SLC9A4: variants seen among roughly 807,000 people sequenced by gnomAD.
SLC9A4 encodes the protein sodium/hydrogen exchanger 4.
A neutral mutation model predicts 67.4 loss-of-function variants in SLC9A4; 63 were observed. The ratio of observed to expected loss-of-function variants is 0.93; its 90% confidence interval spans 0.76 to 1.15. The LOEUF is 1.15. SLC9A4 is among the 50% of genes most tolerant of loss of function. The pLI, the probability that SLC9A4 is intolerant of heterozygous loss-of-function variation, is 0.00. For missense variants in SLC9A4, 1,089 were observed against 987.7 expected (o/e 1.10, Z -1.38); for synonymous variants, 393 against 367.2 (o/e 1.07, Z -0.80).
chr2:102,502,155 T>C (rs1684955018), intron 2 of SLC9A4, among the ~76,000 whole-genome samples: 1 of 152,204 alleles, frequency 6.6e-6, no homozygotes, highest in African/African-American at 2.4e-5. Context: ...CCAAAGGTCT[T>C]CATTTTCTGC....
chr2:102,497,053 C>G (rs984679019), intron 2 of SLC9A4, among the ~76,000 whole-genome samples: 2 of 152,226 alleles, frequency 1.3e-5, no homozygotes, highest in East Asian at 3.9e-4. Flanking sequence ...ATGTCTCAGC[C>G]TCCTGAGTAG....
At chr2:102,509,770 A>T (rs771638073) in intron 6 of SLC9A4, among the ~76,000 whole-genome samples, 11 of 152,244 alleles carry the variant, frequency 7.2e-5, no homozygotes, top group Non-Finnish European at 1.6e-4. Context: ...AACTCAGGAA[A>T]CAAGTTATCT....
At chr2:102,487,025 G>A (rs1376230692) in intron 2 of SLC9A4, among the ~76,000 whole-genome samples, 1 of 152,190 alleles carries the variant, frequency 6.6e-6, no homozygotes, top group Non-Finnish European at 1.5e-5. Flanking sequence ...CTCTCCCCTG[G>A]GGCTGCTTCT....
chr2:102,510,998 T>C (rs920344298), intron 6 of SLC9A4, among the ~76,000 whole-genome samples: 1 of 152,214 alleles, frequency 6.6e-6, no homozygotes, highest in Non-Finnish European at 1.5e-5. Flanking sequence ...CATTTCCTGA[T>C]TGGCACACCC....
At chr2:102,476,388 G>A (rs1414543121) in intron 1 of SLC9A4, among the ~76,000 whole-genome samples, 3 of 152,162 alleles carry the variant, frequency 2.0e-5, no homozygotes, top group South Asian at 2.1e-4. Flanking sequence ...TGACTCTATT[G>A]TCCATCATGA....
chr2:102,502,904 C>A (rs1054791996), intron 2 of SLC9A4, among the ~76,000 whole-genome samples: 1 of 152,216 alleles, frequency 6.6e-6, no homozygotes, highest in African/African-American at 2.4e-5. Flanking sequence ...AGGTTATCAC[C>A]AGGCCAAAGC....
In SLC9A4 at chr2:102,526,198, C is replaced by T. The variant is rs941432058; in HGVS notation, c.1951-61C>T. On this transcript the variant is annotated intron_variant, in intron 10 of 11. Transcript: ENST00000295269. ...CCACAGTGTCTGGCCCTTTATTTGC[C>T]ATGTGAAGCTCTTAATTGAGACAGC... 1.3e-5 allele frequency: 20 copies of T among 1,545,196 alleles called. No homozygotes were observed. The African/African-American group carries it at 2.6e-4, about 20-fold the overall frequency.
At chr2:102,523,448 GTTGAC>G (rs1473971462) in intron 9 of SLC9A4, among the ~76,000 whole-genome samples, 1 of 152,162 alleles carries the variant, frequency 6.6e-6, no homozygotes, top group African/African-American at 2.4e-5. Context: ...TCAATCCCTT[GTTGAC>G]TTGACCGTCT....
At chr2:102,486,057 A>G (rs1346792627) in intron 2 of SLC9A4, among the ~76,000 whole-genome samples, 1 of 152,126 alleles carries the variant, frequency 6.6e-6, no homozygotes, top group African/African-American at 2.4e-5. Context: ...TTCCTTCATG[A>G]TTCCTCCTGC....
chr2:102,494,759 T>A (rs2104425690), intron 2 of SLC9A4, among the ~76,000 whole-genome samples: 1 of 152,144 alleles, frequency 6.6e-6, no homozygotes, highest in East Asian at 1.9e-4. Context: ...ATCATAATGA[T>A]AAAAAAGCTG....
intron 8 of SLC9A4, among the ~76,000 whole-genome samples, chr2:102,514,713 G>A (rs1685240106): frequency 6.6e-6 from 1 of 152,172 alleles, no homozygotes; most frequent in Admixed American, 6.5e-5. Context: ...AGCAAGAGGT[G>A]TGGTCATTGG....
At chr2:102,512,423 G>A (rs1225433286) in intron 7 of SLC9A4, 150 bp downstream of exon 7, 4 of 743,438 alleles carry the variant, frequency 5.4e-6, no homozygotes, top group Non-Finnish European at 6.5e-6. Context: ...AAATTCCAGG[G>A]CATGCTAAGC....
At chr2:102,485,850 C>T (rs1455507149) in intron 2 of SLC9A4, among the ~76,000 whole-genome samples, 1 of 152,190 alleles carries the variant, frequency 6.6e-6, no homozygotes, top group Admixed American at 6.5e-5. Context: ...CACCGCCAAA[C>T]TTCAGAGTTG....
intron 9 of SLC9A4, 146 bp from the exon 10 acceptor site, chr2:102,524,878 C>T: frequency 1.1e-6 from 1 of 930,082 alleles, no homozygotes; most frequent in Non-Finnish European, 1.6e-6. Context: ...GAGGCTTGTT[C>T]ATTCGTAATC....
chr2:102,532,879 T>C lies in SLC9A4; in HGVS notation c.*191T>C. ...CAAACTTGCAGGCTCTGCCATGTACTTATTGTGGGGTACCTTTAGATGAAT... is the reference window on the plus strand; with the variant it reads ...CAAACTTGCAGGCTCTGCCATGTACCTATTGTGGGGTACCTTTAGATGAAT... On this transcript the variant is annotated 3_prime_UTR_variant, in exon 12 of 12. Coordinates refer to ENST00000295269, the MANE Select transcript of SLC9A4 (RefSeq NM_001011552.4). 1 of 549,178 alleles carries C rather than the reference T, an allele frequency of 1.8e-6. No individual in the cohort carries two copies. Among genetic ancestry groups the C allele is most frequent in the Non-Finnish European group, 3.2e-6 (1 of 315,796 alleles). The allele number at this position is 549,178 out of a possible 1,614,324, so 34.0% of individuals were successfully genotyped here.
chr2:102,499,766 T>C (rs1284710713), intron 2 of SLC9A4, among the ~76,000 whole-genome samples: 2 of 152,230 alleles, frequency 1.3e-5, no homozygotes, highest in African/African-American at 4.8e-5. Flanking sequence ...TAAACATGCT[T>C]ATTGGCTACT....
chr2:102,519,611 T>C (rs1179632383), intron 8 of SLC9A4, among the ~76,000 whole-genome samples: 1 of 152,196 alleles, frequency 6.6e-6, no homozygotes, highest in African/African-American at 2.4e-5. Flanking sequence ...CTTTAGACCT[T>C]TTTAAAAAAA....
At chr2:102,483,841 TACAC>T (rs34552153) in intron 2 of SLC9A4, among the ~76,000 whole-genome samples, 1 of 126,782 alleles carries the variant, frequency 7.9e-6, no homozygotes, top group Non-Finnish European at 1.6e-5. Context: ...TATATATATA[TACAC>T]ACACACAATA....
At position 102,478,849 on chromosome 2, in the gene SLC9A4, C is replaced by G; in HGVS notation, c.267C>G (p.Leu89=). 1 of 1,613,868 alleles carries G rather than the reference C, an allele frequency of 6.2e-7. No individual in the cohort carries two copies. Among genetic ancestry groups the G allele is most frequent in the Non-Finnish European group, 8.5e-7 (1 of 1,179,876 alleles). The change falls in exon 2 of 12, where the codon CTC becomes CTG. Residue 89 remains leucine, a synonymous_variant. Transcript: ENST00000295269. ...LASLAKIGFH[L]YHRLPGLMPE... The stretch of plus-strand genomic sequence containing the variant: ...TTCGCTGTTCTGCAGGCTTCCACCT[C>G]TACCACAGGCTGCCAGGCCTCATGC...
Sources: allele counts gnomAD v4.1 joint callset (sites outside exome capture counted in the v4.1 genomes callset), GRCh38; gene constraint gnomAD v4.1.1; transcripts MANE v1.5; gene names NCBI Gene and HGNC (gene_info 2026-07-23, HGNC 2026-07-21).